CUX1: variants seen among roughly 807,000 people sequenced by gnomAD.
The protein encoded by CUX1 is protein CASP.
A neutral mutation model predicts 158.8 loss-of-function variants in CUX1; 31 were observed. The ratio of observed to expected loss-of-function variants is 0.20; its 90% CI spans 0.15 to 0.26. CUX1 has a LOEUF of 0.26. Ranked by LOEUF, CUX1 falls within the 10% of genes least tolerant of loss-of-function variation. The probability of loss-of-function intolerance (pLI) is 1.00; values close to 1 mark genes in which losing one functional copy is unlikely to be tolerated. For synonymous variants in CUX1, 879 were observed against 862.1 expected, an observed-to-expected ratio of 1.02 and a Z score of -0.34; for missense variants, 1,589 against 2,014.6, an observed-to-expected ratio of 0.79 and a Z score of 4.04.
At chr7:101,926,778 G>A (rs1205256831) in intron 2 of CUX1, among the ~76,000 whole-genome samples, 1 of 152,008 alleles carries the variant, frequency 6.6e-6, no homozygotes, top group African/African-American at 2.4e-5. Context: ...AGGAAGAATT[G>A]GTGCTATCCC....
At chr7:101,838,736 G>T (rs1331545822) in intron 1 of CUX1, among the ~76,000 whole-genome samples, 3 of 151,940 alleles carry the variant, frequency 2.0e-5, no homozygotes, top group Admixed American at 1.3e-4. Flanking sequence ...CTGGGAGGTA[G>T]AGGTTGCAGT....
rs112866816 is a variant in CUX1, at chr7:101,870,144, G to GTTTTT, written c.31-45967_31-45963dup. Among the ~76,000 whole-genome samples, 7 of 111,222 alleles carry GTTTTT rather than the reference G, an allele frequency of 6.3e-5. 2 individuals are homozygous for GTTTTT. The highest frequency in any genetic ancestry group is 9.1e-5 in the Non-Finnish European group (5 of 54,890). The allele number at this position is 111,222 out of a possible 152,430, so 73.0% of individuals were successfully genotyped here. A position where few individuals can be genotyped will look rare whatever the true frequency, so the allele number is the denominator to read the frequency against. Reference sequence around the variant, plus strand: ...GGCCATGCAGGCCCTGATGTTTAGTGTTTTTTTTGTTTTTTTTTTTTTTTT... The same window carrying GTTTTT: ...GGCCATGCAGGCCCTGATGTTTAGTGTTTTTTTTTTTTTGTTTTTTTTTTTTTTTT... On this transcript the variant is annotated intron_variant, in intron 1 of 23. Transcript: ENST00000292535.
intron 8 of CUX1, among the ~76,000 whole-genome samples, chr7:102,118,533 T>C (rs1554492496): frequency 1.3e-5 from 2 of 151,724 alleles, no homozygotes; most frequent in East Asian, 3.9e-4. Context: ...CAAGACCCTG[T>C]CTAAAAAAAA....
Position 102,201,417 on chromosome 7 carries a change from G to A in CUX1, c.2120G>A (p.Arg707His), listed in dbSNP as rs782458161. The A allele has an allele frequency of 1.7e-5, 27 of 1,613,888 alleles. No individual in the cohort carries two copies. Among genetic ancestry groups the A allele is most frequent in the South Asian group, 5.5e-5 (5 of 91,074 alleles). The change falls in exon 18 of 24, where the codon CGC becomes CAC. Residue 707 changes from arginine to histidine, a missense_variant. Transcript: ENST00000292535. The surrounding 1 kb of genome is among the most constrained non-coding windows in gnomAD (Gnocchi z 5.0). ...SGSGNSDDAIRSILQQARREM... is the reference protein window; with the variant it reads ...SGSGNSDDAIHSILQQARREM... The stretch of plus-strand genomic sequence containing the variant: ...AGCGGGAACTCTGATGACGCCATCC[G>A]CTCCATCCTGCAGCAAGCCCGCCGG...
intron 2 of CUX1, among the ~76,000 whole-genome samples, chr7:102,009,447 TC>T (rs2129292464): frequency 6.6e-6 from 1 of 152,332 alleles, no homozygotes; most frequent in Non-Finnish European, 1.5e-5. Context: ...AATTGCTCAG[TC>T]CAGACCAGGG....
Position 102,258,111 on chromosome 7 carries a change from T to C in CUX1, c.*9069T>C, listed in dbSNP as rs1366247729. On this transcript the variant is annotated 3_prime_UTR_variant, in exon 24 of 24. Transcript: ENST00000292535. ...GCCATACGATGTTTGTTCTCAGCAC[T>C]GTACAACGGTCCCTATATAATACGG... 1.0e-6 allele frequency: 1 copy of C among 985,294 alleles called. No individual in the cohort carries two copies. The highest frequency in any genetic ancestry group is 1.7e-5 in the African/African-American group (1 of 57,226). The allele number at this position is 985,294 out of a possible 1,614,324, so 61.0% of individuals were successfully genotyped here. A position where few individuals can be genotyped will look rare whatever the true frequency, so the allele number is the denominator to read the frequency against.
Position 101,973,727 on chromosome 7 carries a change from T to C in CUX1, c.142-54371T>C, listed in dbSNP as rs563105864. 4.3e-4 allele frequency among the ~76,000 whole-genome samples: 65 copies of C among 151,952 alleles called. 1 individual carries two copies. The South Asian group carries it at 0.012, about 28-fold the overall frequency. ...TAGAACATATGGGACAGGCACTTTCTATACTGTCCACCTTGCCCCAGATTC... is the reference window on the plus strand; with the variant it reads ...TAGAACATATGGGACAGGCACTTTCCATACTGTCCACCTTGCCCCAGATTC... On this transcript the variant is annotated intron_variant, in intron 2 of 23. Coordinates refer to ENST00000292535, the MANE Select transcript of CUX1 (RefSeq NM_181552.4).
chr7:102,008,389 A>G (rs1162981288), intron 2 of CUX1, among the ~76,000 whole-genome samples: 1 of 150,074 alleles, frequency 6.7e-6, no homozygotes, highest in African/African-American at 2.5e-5. Flanking sequence ...TGTGGCAAAT[A>G]TCACCCAATT....
chr7:101,982,522 G>A (rs1161488160), intron 2 of CUX1, among the ~76,000 whole-genome samples: 1 of 152,042 alleles, frequency 6.6e-6, no homozygotes, highest in Non-Finnish European at 1.5e-5. Flanking sequence ...TGCCTCCCAG[G>A]CTTAGGTGAT....
chr7:102,236,439 GTTTTGTTTTTTGTT>G (rs571382011), intron 22 of CUX1, among the ~76,000 whole-genome samples: 2 of 152,150 alleles, frequency 1.3e-5, no homozygotes, highest in South Asian at 2.1e-4. Flanking sequence ...CTTATTTTTC[GTTTTGTTTTTTGTT>G]TTTTGTTTTT....
At chr7:102,228,625 C>T (rs1326622507) in intron 21 of CUX1, among the ~76,000 whole-genome samples, 6 of 152,120 alleles carry the variant, frequency 3.9e-5, no homozygotes, top group Admixed American at 6.5e-5. Flanking sequence ...ATGGCAAAAC[C>T]CTATCTCTAC....
chr7:101,960,906 G>T (rs1284283059), intron 2 of CUX1: 1 of 152,232 alleles, frequency 6.6e-6, no homozygotes, highest in African/African-American at 2.4e-5. Context: ...TGATTAGAAG[G>T]TGAGCTTCAC....
At chr7:101,823,530 A>G (rs1314341486) in intron 1 of CUX1, among the ~76,000 whole-genome samples, 2 of 152,124 alleles carry the variant, frequency 1.3e-5, no homozygotes, top group Non-Finnish European at 2.9e-5. Context: ...GATGGTCTTG[A>G]CCGTGTGTGA....
chr7:102,050,025 C>A (rs930915379), intron 3 of CUX1, among the ~76,000 whole-genome samples: 2 of 152,162 alleles, frequency 1.3e-5, no homozygotes, highest in East Asian at 1.9e-4. Flanking sequence ...CCAGAACACC[C>A]CCCTGATAGG....
intron 20 of CUX1, among the ~76,000 whole-genome samples, 187 bp from the exon 21 acceptor site, chr7:102,227,180 A>C (rs534891137): frequency 1.3e-5 from 2 of 152,092 alleles, no homozygotes; most frequent in African/African-American, 4.8e-5. Flanking sequence ...TTTGTTTTTT[A>C]ATATGGAAGA....
At chr7:101,853,679 G>C (rs1796517569) in intron 1 of CUX1, among the ~76,000 whole-genome samples, 1 of 151,668 alleles carries the variant, frequency 6.6e-6, no homozygotes, top group Non-Finnish European at 1.5e-5. Flanking sequence ...CAGGTGTCTA[G>C]TTGCGGGGAG....
intron 3 of CUX1, among the ~76,000 whole-genome samples, chr7:102,052,047 A>G (rs1041671994): frequency 1.3e-5 from 2 of 152,228 alleles, no homozygotes; most frequent in African/African-American, 2.4e-5. Flanking sequence ...CCCCGTCTCT[A>G]CTAAAAAAAC....
chr7:102,071,520 G>T (rs1185486628), intron 4 of CUX1, among the ~76,000 whole-genome samples: 1 of 152,132 alleles, frequency 6.6e-6, no homozygotes, highest in African/African-American at 2.4e-5. Flanking sequence ...GCCTTTTTCT[G>T]CCAAGCAAAG....
At chr7:101,931,456 A>T (rs1487395886) in intron 2 of CUX1, among the ~76,000 whole-genome samples, 1 of 152,110 alleles carries the variant, frequency 6.6e-6, no homozygotes, top group Admixed American at 6.5e-5. Flanking sequence ...CTAACTTAAC[A>T]CTCACAGGAT....
Sources: gnomAD v4.1 joint callset for allele counts (sites outside exome capture counted in the v4.1 genomes callset) on GRCh38, gnomAD v4.1.1 for gene constraint, Gnocchi (gnomAD v3.1) non-coding constraint, MANE v1.5 for transcripts, NCBI Gene and HGNC (gene_info 2026-07-23, HGNC 2026-07-21) for gene names.